Variants in DIPK2B observed in about 807,000 individuals in gnomAD.
DIPK2B encodes the protein UPF0672 protein CXorf36.
DIPK2B carries 15 observed loss-of-function variants against 22.2 expected under a neutral mutation model. The ratio of observed to expected loss-of-function variants is 0.68; its 90% confidence interval spans 0.45 to 1.04. The LOEUF (loss-of-function observed/expected upper bound fraction) is 1.04. DIPK2B is among the 50% of genes least tolerant of loss of function. The probability of loss-of-function intolerance (pLI) is 0.00; values close to 1 mark genes in which losing one functional copy is unlikely to be tolerated. For synonymous variants in DIPK2B, 163 were observed against 153.2 expected (o/e 1.06, Z -0.47); for missense variants, 345 against 348.3 (o/e 0.99, Z 0.08).
chrX:45,197,204 T>A (rs74989762), intron 1 of DIPK2B, among the ~76,000 whole-genome samples: 15 of 109,809 alleles, frequency 1.4e-4, no homozygotes, highest in African/African-American at 4.0e-4. Context: ...TTTTTTTTTT[T>A]GAGAGAGAGT....
rs575551130 is a variant in DIPK2B, at chrX:45,177,689, G to T, written c.498+14062C>A. ...GCCTCAGGCATTCCTTCGTAGCAATGCAAGATGGACTAATACAGGGGTTTT... is the reference window on the plus strand; with the variant it reads ...GCCTCAGGCATTCCTTCGTAGCAATTCAAGATGGACTAATACAGGGGTTTT... On this transcript the variant is annotated intron_variant, in intron 2 of 4. Coordinates refer to ENST00000398000, the MANE Select transcript of DIPK2B (RefSeq NM_176819.4). 9.0e-5 allele frequency among the ~76,000 whole-genome samples: 10 copies of T among 111,014 alleles called. No homozygotes were observed. In the South Asian group the frequency reaches 3.5e-3, roughly 38 times the overall value.
intron 1 of DIPK2B, among the ~76,000 whole-genome samples, chrX:45,198,514 A>G (rs2047252002): frequency 9.0e-6 from 1 of 111,089 alleles, no homozygotes. Flanking sequence ...CACATGGAAC[A>G]TGAATTCTAA....
At chrX:45,153,685 A>G (rs1289210254) in intron 4 of DIPK2B, among the ~76,000 whole-genome samples, 1 of 110,965 alleles carries the variant, frequency 9.0e-6, no homozygotes, top group African/African-American at 3.3e-5. Flanking sequence ...TCTCATGGAC[A>G]AGGCCAAATC....
At chrX:45,160,271 A>G (rs1303289024) in intron 2 of DIPK2B, among the ~76,000 whole-genome samples, 3 of 109,801 alleles carry the variant, frequency 2.7e-5, no homozygotes, top group Non-Finnish European at 5.7e-5. Context: ...GTAATGGTGC[A>G]ATATCAGCTC....
rs1471371327 is a variant in DIPK2B, at chrX:45,150,703, A to C, written c.*949T>G. 1.8e-5 allele frequency: 2 copies of C among 111,186 alleles called. No individual in the cohort carries two copies. Among genetic ancestry groups the C allele is most frequent in the Admixed American group, 9.5e-5 (1 of 10,472 alleles). The allele number at this position is 111,186 out of a possible 1,213,427, so 9.2% of individuals were successfully genotyped here. On this transcript the variant is annotated 3_prime_UTR_variant, in exon 5 of 5. Transcript: ENST00000398000. ...TTGTGGGAGACACGGGGCTCTTCTG[A>C]TGGCTGCCTTTGTCTTGAGGACACC... is the stretch of plus-strand genomic sequence containing the variant.
At chrX:45,200,090 G>A (rs2047259208) in intron 1 of DIPK2B, among the ~76,000 whole-genome samples, 2 of 111,627 alleles carry the variant, frequency 1.8e-5, no homozygotes, top group African/African-American at 6.5e-5. Flanking sequence ...TATATTTAAA[G>A]TATACAACAC....
At chrX:45,168,123 G>C (rs186519774) in intron 2 of DIPK2B, among the ~76,000 whole-genome samples, 1 of 112,822 alleles carries the variant, frequency 8.9e-6, no homozygotes, top group Admixed American at 9.3e-5. Context: ...AATCTAAGTA[G>C]ATAGCTCCCA....
At chrX:45,193,892 G>A (rs942178771) in intron 1 of DIPK2B, among the ~76,000 whole-genome samples, 5 of 110,755 alleles carry the variant, frequency 4.5e-5, no homozygotes, top group African/African-American at 9.9e-5. Flanking sequence ...CCTGCTCATG[G>A]AGTTTCAAAC....
chrX:45,151,416 T>G lies in DIPK2B; in HGVS notation c.*236A>C. ...CAGAGGAAACTGAGGCTCAAAGACA[T>G]TGAGTGAGCGTCCACACCCAGGTCT... On this transcript the variant is annotated 3_prime_UTR_variant, in exon 5 of 5. Coordinates refer to ENST00000398000, the MANE Select transcript of DIPK2B (RefSeq NM_176819.4). 2.4e-6 allele frequency: 1 copy of G among 418,577 alleles called. No individual in the cohort carries two copies. 34.5% of individuals were successfully genotyped at this position (418,577 alleles called of 1,213,427 possible).
At chrX:45,175,538 A>G (rs1162207245) in intron 2 of DIPK2B, among the ~76,000 whole-genome samples, 1 of 107,419 alleles carries the variant, frequency 9.3e-6, no homozygotes, top group East Asian at 3.0e-4. Context: ...GGTGAGTTAT[A>G]TGTGATTTTT....
intron 2 of DIPK2B, among the ~76,000 whole-genome samples, chrX:45,161,011 A>G (rs1198761697): frequency 9.0e-6 from 1 of 111,599 alleles, no homozygotes; most frequent in African/African-American, 3.3e-5. Context: ...CCAGTCAATG[A>G]GATATAAGTA....
intron 2 of DIPK2B, among the ~76,000 whole-genome samples, chrX:45,179,414 C>G (rs538211094): frequency 9.1e-6 from 1 of 110,300 alleles, no homozygotes; most frequent in Non-Finnish European, 1.9e-5. Flanking sequence ...AGCAAAAAAA[C>G]GGAAAACTAT....
Position 45,157,899 on chromosome X carries a change from G to A in DIPK2B, c.499-11C>T. 1.8e-6 allele frequency: 2 copies of A among 1,130,680 alleles called. No homozygotes were observed. Among genetic ancestry groups the A allele is most frequent in the Middle Eastern group, 3.4e-4 (1 of 2,970 alleles). 93.2% of individuals were successfully genotyped at this position (1,130,680 alleles called of 1,213,427 possible). On this transcript the variant is annotated splice_polypyrimidine_tract_variant and intron_variant, in intron 2 of 4. Coordinates refer to ENST00000398000, the MANE Select transcript of DIPK2B (RefSeq NM_176819.4). ...CGGGCTGGCCAGGCCCTACGCGCAG[G>A]TGGGAGAGAGGCGGGAGAAGAAGGG...
chrX:45,200,148 CAG>C (rs1278373884), intron 1 of DIPK2B, among the ~76,000 whole-genome samples: 1 of 111,901 alleles, frequency 8.9e-6, no homozygotes, highest in Non-Finnish European at 1.9e-5. Context: ...CATCATCTCA[CAG>C]AGTTACCCAT....
At chrX:45,188,018 G>T (rs894242982) in intron 2 of DIPK2B, among the ~76,000 whole-genome samples, 2 of 111,631 alleles carry the variant, frequency 1.8e-5, no homozygotes, top group African/African-American at 3.3e-5. Context: ...TGGCCTGACA[G>T]GTAGGCTGAG....
At chrX:45,193,090 A>G (rs2047221066) in intron 1 of DIPK2B, among the ~76,000 whole-genome samples, 1 of 112,524 alleles carries the variant, frequency 8.9e-6, no homozygotes, top group African/African-American at 3.2e-5. Flanking sequence ...GCATTGGCCT[A>G]TTATCACCTG....
chrX:45,167,980 C>T (rs983367606), intron 2 of DIPK2B, among the ~76,000 whole-genome samples: 2 of 112,482 alleles, frequency 1.8e-5, no homozygotes, highest in African/African-American at 6.5e-5. Context: ...CCACTGTGCC[C>T]GGCCCAGAGT....
At chrX:45,157,927 C>T (rs769739911) in intron 2 of DIPK2B, 39 bp from the exon 3 acceptor site, 76 of 827,067 alleles carry the variant, frequency 9.2e-5, no homozygotes, top group Middle Eastern at 5.3e-4. Context: ...AAGAAGGGGG[C>T]GGGGCGCTAA....
At chrX:45,169,467 A>T (rs1200765701) in intron 2 of DIPK2B, among the ~76,000 whole-genome samples, 16 of 111,510 alleles carry the variant, frequency 1.4e-4, no homozygotes, top group African/African-American at 5.2e-4. Context: ...TGTGACCTGT[A>T]ACATATGCAT....
Sources: gnomAD v4.1 joint callset for allele counts (sites outside exome capture counted in the v4.1 genomes callset) on GRCh38, gnomAD v4.1.1 for gene constraint, MANE v1.5 for transcripts, NCBI Gene and HGNC (gene_info 2026-07-23, HGNC 2026-07-21) for gene names.